CDKL5: variants seen among roughly 807,000 people sequenced by gnomAD.
CDKL5 encodes cyclin-dependent kinase-like 5.
In CDKL5, 8 loss-of-function variants were observed where a neutral mutation model predicts 61.7. That is an observed-to-expected ratio of 0.13 (90% CI 0.08 to 0.23). The LOEUF (loss-of-function observed/expected upper bound fraction) is 0.23, where lower values mean the gene tolerates loss of function less well. CDKL5 is among the 10% of genes least tolerant of loss of function. The probability of loss-of-function intolerance (pLI) is 1.00; values close to 1 mark genes in which losing one functional copy is unlikely to be tolerated. For synonymous variants in CDKL5, 275 were observed against 272.3 expected (o/e 1.01, Z -0.10); for missense variants, 440 against 734.5 (o/e 0.60, Z 4.63).
At position 18,632,428 on chromosome X, in the gene CDKL5, C is replaced by G. The variant is rs1450989276; in HGVS notation, c.*3671C>G. On this transcript the variant is annotated 3_prime_UTR_variant, in exon 18 of 18. Coordinates refer to ENST00000623535, the MANE Select transcript of CDKL5 (RefSeq NM_001323289.2). ...GCCTGGCAGATTGGCATGATTTTTA[C>G]CAACTGCTCAAAGGCATCCGTGGCT... 1.3e-6 allele frequency: 1 copy of G among 752,274 alleles called. No homozygotes were observed. Among genetic ancestry groups the G allele is most frequent in the Non-Finnish European group, 1.6e-6 (1 of 638,656 alleles). 62.0% of individuals were successfully genotyped at this position (752,274 alleles called of 1,213,427 possible).
At chrX:18,460,013 C>G (rs1427129780) in intron 1 of CDKL5, among the ~76,000 whole-genome samples, 1 of 110,550 alleles carries the variant, frequency 9.0e-6, no homozygotes, top group Non-Finnish European at 1.9e-5. Flanking sequence ...GCTGGGATTA[C>G]AGGTGTGCGC....
In CDKL5 at chrX:18,638,260, CTT is replaced by C. The variant is rs1776769729; in HGVS notation, c.*9504_*9505del. 1 of 112,344 alleles carries C rather than the reference CTT, an allele frequency of 8.9e-6. No homozygotes were observed. The highest frequency in any genetic ancestry group is 1.9e-5 in the Non-Finnish European group (1 of 53,317). 9.3% of individuals were successfully genotyped at this position (112,344 alleles called of 1,213,427 possible). A position where few individuals can be genotyped will look rare whatever the true frequency, so the allele number is the denominator to read the frequency against. On this transcript the variant is annotated 3_prime_UTR_variant, in exon 18 of 18. Coordinates refer to ENST00000623535, the MANE Select transcript of CDKL5 (RefSeq NM_001323289.2). ...TTTTTTTTCCTTAATATTGGCAACA[CTT>C]AATGCTACTTCTTTGTTCGTAACAT...
intron 20 of CDKL5, among the ~76,000 whole-genome samples, chrX:18,649,546 A>G (rs756628645): frequency 8.9e-6 from 1 of 111,878 alleles, no homozygotes; most frequent in Admixed American, 9.5e-5. Flanking sequence ...TTCTGCCCCA[A>G]TGCACGAAAG....
chrX:18,579,698 T>C (rs1446337557), intron 5 of CDKL5, 150 bp from the exon 6 acceptor site: 4 of 526,374 alleles, frequency 7.6e-6, no homozygotes, highest in Non-Finnish European at 9.4e-6. Context: ...TAATGCTGAT[T>C]CAGCATGAGA....
At position 18,613,699 on chromosome X, in the gene CDKL5, G is replaced by A. The variant is rs763952569; in HGVS notation, c.2276+424G>A. ...GGAAAAGTCGAGGAACTGGCCCGGT[G>A]TTGGACAGCCAGTAACATGGAGAAG... On this transcript the variant is annotated intron_variant, in intron 15 of 17. Transcript: ENST00000623535. 1.8e-3 allele frequency among the ~76,000 whole-genome samples: 200 copies of A among 111,492 alleles called. 2 individuals carry two copies. Among genetic ancestry groups the A allele is most frequent in the African/African-American group, 5.9e-3 (182 of 30,679 alleles).
intron 21 of CDKL5, among the ~76,000 whole-genome samples, chrX:18,651,392 G>C (rs1355941811): frequency 9.0e-6 from 1 of 110,750 alleles, no homozygotes. Context: ...CCAGGAATTA[G>C]CGCATTGCCC....
At chrX:18,647,420 C>T in intron 20 of CDKL5, 1 of 1,029,142 alleles carries the variant, frequency 9.7e-7, no homozygotes, top group Non-Finnish European at 1.4e-6. Context: ...AACCCATCTG[C>T]TTTGCGCTTC....
intron 16 of CDKL5, among the ~76,000 whole-genome samples, chrX:18,620,959 C>T (rs912494087): frequency 4.5e-5 from 5 of 111,655 alleles, no homozygotes; most frequent in East Asian, 5.6e-4. Flanking sequence ...AGGCTGGTCT[C>T]GAACTCCTGA....
chrX:18,560,490 A>G (rs1924763061), intron 3 of CDKL5, among the ~76,000 whole-genome samples: 1 of 112,028 alleles, frequency 8.9e-6, no homozygotes, highest in Admixed American at 9.5e-5. Context: ...AATGGATAAA[A>G]CAAAATTGTT....
At chrX:18,600,377 G>A (rs1372359074) in intron 11 of CDKL5, among the ~76,000 whole-genome samples, 1 of 111,501 alleles carries the variant, frequency 9.0e-6, no homozygotes, top group Non-Finnish European at 1.9e-5. Context: ...TCATCATTTG[G>A]TTGCTCCTTT....
At chrX:18,539,704 T>C (rs1923956698) in intron 3 of CDKL5, among the ~76,000 whole-genome samples, 1 of 111,960 alleles carries the variant, frequency 8.9e-6, no homozygotes, top group African/African-American at 3.3e-5. Flanking sequence ...TAGTATTTTA[T>C]ATATGACAAT....
At chrX:18,571,591 C>T (rs1925136809) in intron 4 of CDKL5, among the ~76,000 whole-genome samples, 1 of 111,221 alleles carries the variant, frequency 9.0e-6, no homozygotes, top group African/African-American at 3.3e-5. Flanking sequence ...TTGCAAAATG[C>T]TTTCCTACTT....
chrX:18,525,251 A>G (rs1161388343), intron 3 of CDKL5, among the ~76,000 whole-genome samples: 1 of 111,331 alleles, frequency 9.0e-6, no homozygotes, highest in African/African-American at 3.3e-5. Flanking sequence ...GGTACATGCC[A>G]CCACGCCTGG....
chrX:18,583,254 G>A (rs1925538741), intron 7 of CDKL5, among the ~76,000 whole-genome samples: 1 of 111,320 alleles, frequency 9.0e-6, no homozygotes, highest in African/African-American at 3.3e-5. Flanking sequence ...TGTTGTAAAT[G>A]GTCAGGAAGT....
chrX:18,552,587 A>C (rs1924437241), intron 3 of CDKL5, among the ~76,000 whole-genome samples: 1 of 112,074 alleles, frequency 8.9e-6, no homozygotes, highest in Admixed American at 9.5e-5. Context: ...TCAAGTGATC[A>C]TGTAAATCTG....
At chrX:18,646,174 C>G in intron 20 of CDKL5, 1 of 1,180,811 alleles carries the variant, frequency 8.5e-7, no homozygotes, top group Non-Finnish European at 1.1e-6. Context: ...CTTTCTGAGA[C>G]AGAGTCTTGC....
At chrX:18,606,404 C>T (rs897732647) in intron 12 of CDKL5, among the ~76,000 whole-genome samples, 1 of 112,245 alleles carries the variant, frequency 8.9e-6, no homozygotes, top group Non-Finnish European at 1.9e-5. Flanking sequence ...CAGGTACGTC[C>T]TGAGCTAGGC....
intron 1 of CDKL5, among the ~76,000 whole-genome samples, chrX:18,443,306 G>A (rs913799412): frequency 2.7e-5 from 3 of 111,868 alleles, no homozygotes; most frequent in Non-Finnish European, 5.6e-5. Context: ...TCCTTTCCCC[G>A]AGTACTTTGA....
At chrX:18,433,611 G>C (rs923350415) in intron 1 of CDKL5, among the ~76,000 whole-genome samples, 9 of 112,676 alleles carry the variant, frequency 8.0e-5, no homozygotes, top group African/African-American at 2.6e-4. Flanking sequence ...ATTTTCAAAA[G>C]TTCTTGCCTA....
Sources: allele counts gnomAD v4.1 joint callset (sites outside exome capture counted in the v4.1 genomes callset), GRCh38; gene constraint gnomAD v4.1.1; transcripts MANE v1.5; gene names NCBI Gene and HGNC (gene_info 2026-07-23, HGNC 2026-07-21).